SPAG16: variants seen among roughly 807,000 people sequenced by gnomAD.
The protein encoded by SPAG16 is sperm-associated antigen 16 protein.
In SPAG16, 86 loss-of-function variants were observed where a neutral mutation model predicts 80.4. That is an observed-to-expected ratio of 1.07 (90% CI 0.90 to 1.28). The LOEUF (loss-of-function observed/expected upper bound fraction) is 1.28, where lower values mean the gene tolerates loss of function less well. Among genes scored for constraint, SPAG16 ranks in the 50% most tolerant of loss-of-function variants. The probability of loss-of-function intolerance (pLI) is 0.00; values close to 1 mark genes in which losing one functional copy is unlikely to be tolerated. For synonymous variants in SPAG16, 294 were observed against 265.9 expected, an observed-to-expected ratio of 1.11 and a Z score of -1.03; for missense variants, 870 against 765.3, an observed-to-expected ratio of 1.14 and a Z score of -1.61.
At chr2:213,896,591 C>T (rs2665858) in intron 11 of SPAG16, among the ~76,000 whole-genome samples, 23,131 of 57,928 alleles carry the variant, frequency 0.4, 2,475 homozygotes, top group South Asian at 0.56. Context: ...CACACACACA[C>T]GCACACACAC....
At position 213,471,326 on chromosome 2, in the gene SPAG16, C is replaced by T. The variant is rs529710022; in HGVS notation, c.943-18637C>T. Among the ~76,000 whole-genome samples the T allele has an allele frequency of 2.6e-5, 4 of 152,204 alleles. No homozygotes were observed. In the East Asian group the frequency reaches 7.7e-4, roughly 29 times the overall value. On this transcript the variant is annotated intron_variant, in intron 9 of 15. Coordinates refer to ENST00000331683, the MANE Select transcript of SPAG16 (RefSeq NM_024532.5). ...CTTTTGCCTTCAGAACCTGCTTGAG[C>T]CCAATCACGTATATACCACTTCCAT...
intron 14 of SPAG16, among the ~76,000 whole-genome samples, chr2:214,129,150 A>G (rs1257646651): frequency 1.3e-5 from 2 of 152,128 alleles, no homozygotes; most frequent in African/African-American, 4.8e-5. Context: ...GCAGATCTCC[A>G]GGGTTTTCTC....
intron 9 of SPAG16, among the ~76,000 whole-genome samples, chr2:213,390,158 G>A (rs1233891000): frequency 3.9e-5 from 6 of 152,264 alleles, no homozygotes; most frequent in South Asian, 2.1e-4. Flanking sequence ...ATATGATTCC[G>A]TGTATATGAG....
chr2:213,955,306 T>G (rs1192692266), intron 12 of SPAG16, among the ~76,000 whole-genome samples: 4 of 152,192 alleles, frequency 2.6e-5, no homozygotes, highest in Non-Finnish European at 5.9e-5. Flanking sequence ...TTTTATGATT[T>G]TGACCTTTAA....
intron 9 of SPAG16, among the ~76,000 whole-genome samples, chr2:213,392,192 T>G (rs958415535): frequency 2.6e-5 from 4 of 152,210 alleles, no homozygotes; most frequent in African/African-American, 4.8e-5. Flanking sequence ...TTGTGTTATG[T>G]CACCCTGGCA....
intron 10 of SPAG16, among the ~76,000 whole-genome samples, chr2:213,755,853 C>A (rs1054257623): frequency 7.2e-5 from 11 of 152,098 alleles, no homozygotes; most frequent in Non-Finnish European, 8.8e-5. Flanking sequence ...AAATAAAGTT[C>A]TGTGACCAAA....
intron 10 of SPAG16, among the ~76,000 whole-genome samples, chr2:213,717,555 C>A (rs181672102): frequency 1.4e-5 from 2 of 146,990 alleles, no homozygotes; most frequent in Admixed American, 1.4e-4. Flanking sequence ...GACTTAAACT[C>A]TTTTTTTTTT....
At chr2:214,235,470 T>C (rs1258137231) in intron 15 of SPAG16, among the ~76,000 whole-genome samples, 1 of 152,138 alleles carries the variant, frequency 6.6e-6, no homozygotes, top group Non-Finnish European at 1.5e-5. Flanking sequence ...AATAAATAAA[T>C]ATTGAACTTA....
chr2:214,188,796 T>C lies in SPAG16; in HGVS notation c.1720+39530T>C, dbSNP rs191800525. Among the ~76,000 whole-genome samples the C allele has an allele frequency of 6.6e-5, 10 of 152,296 alleles. No homozygotes were observed. In the East Asian group the frequency reaches 7.7e-4, roughly 12 times the overall value. On this transcript the variant is annotated intron_variant, in intron 15 of 15. Transcript: ENST00000331683. ...GTTACTGCAATTACTTCCACACTTC[T>C]TAAGCAACACATCTATTTTTTAACT...
chr2:214,091,026 A>C (rs2052155480), intron 13 of SPAG16, among the ~76,000 whole-genome samples: 1 of 152,062 alleles, frequency 6.6e-6, no homozygotes, highest in South Asian at 2.1e-4. Flanking sequence ...TGTTGGCTAC[A>C]ATTAAATGTT....
intron 10 of SPAG16, among the ~76,000 whole-genome samples, chr2:213,524,343 G>A (rs573455364): frequency 6.6e-6 from 1 of 152,360 alleles, no homozygotes; most frequent in East Asian, 1.9e-4. Flanking sequence ...TGCTGCAGGG[G>A]TGGAGCCCTC....
chr2:213,661,714 T>TA (rs2063432765), intron 10 of SPAG16, among the ~76,000 whole-genome samples: 2 of 152,218 alleles, frequency 1.3e-5, no homozygotes, highest in African/African-American at 4.8e-5. Context: ...AAGTTTGTTT[T>TA]AAAAAGCACA....
intron 15 of SPAG16, among the ~76,000 whole-genome samples, chr2:214,323,144 T>C (rs1467903504): frequency 1.3e-5 from 2 of 152,128 alleles, no homozygotes; most frequent in Non-Finnish European, 2.9e-5. Context: ...ATATTGCGTA[T>C]TTAGTATTTG....
chr2:213,303,846 T>C (rs1319836622), intron 3 of SPAG16, among the ~76,000 whole-genome samples: 3 of 152,154 alleles, frequency 2.0e-5, no homozygotes, highest in African/African-American at 7.2e-5. Flanking sequence ...AACACAATAG[T>C]GCAGATATAT....
chr2:214,230,759 C>T (rs1688638020), intron 15 of SPAG16, among the ~76,000 whole-genome samples: 1 of 151,806 alleles, frequency 6.6e-6, no homozygotes, highest in Non-Finnish European at 1.5e-5. Context: ...GTCTGATAGC[C>T]AAGAGAGAAG....
Position 213,284,496 on chromosome 2 carries a change from C to A in SPAG16, c.13C>A (p.Arg5=), listed in dbSNP as rs750491602. Residue 5 remains arginine (R), a synonymous_variant, in exon 1 of 16, where the codon CGA becomes AGA. Transcript: ENST00000331683. MAAQ[R]GMPSSAVRVL... is the part of the protein sequence containing the mutation. ...CGAAGCGCCAGAGATGGCTGCTCAG[C>A]GAGGGATGCCCAGCTCCGCCGTGAG... 6.4e-7 allele frequency: 1 copy of A among 1,571,484 alleles called. No individual in the cohort carries two copies. The highest frequency in any genetic ancestry group is 8.6e-7 in the Non-Finnish European group (1 of 1,158,710).
intron 1 of SPAG16, among the ~76,000 whole-genome samples, chr2:213,291,315 A>G (rs1456298152): frequency 6.6e-6 from 1 of 152,246 alleles, no homozygotes; most frequent in Non-Finnish European, 1.5e-5. Context: ...CCAGCTAGCT[A>G]GCCAGGTAAA....
At chr2:213,836,328 T>G (rs947190318) in intron 10 of SPAG16, among the ~76,000 whole-genome samples, 2 of 152,184 alleles carry the variant, frequency 1.3e-5, no homozygotes, top group Non-Finnish European at 2.9e-5. Flanking sequence ...AGTTTTAAAC[T>G]AAATACATGA....
At chr2:214,204,798 C>A (rs1045489711) in intron 15 of SPAG16, among the ~76,000 whole-genome samples, 1 of 152,204 alleles carries the variant, frequency 6.6e-6, no homozygotes, top group Non-Finnish European at 1.5e-5. Context: ...CAAAAGATCA[C>A]ACCAGCTCAC....
Sources: gnomAD v4.1 joint callset for allele counts (sites outside exome capture counted in the v4.1 genomes callset) on GRCh38, gnomAD v4.1.1 for gene constraint, MANE v1.5 for transcripts, NCBI Gene and HGNC (gene_info 2026-07-23, HGNC 2026-07-21) for gene names.